PIGR: variants seen among roughly 807,000 people sequenced by gnomAD.
PIGR encodes the protein hepatocellular carcinoma associated protein TB6.
PIGR carries 22 observed loss-of-function variants against 69.5 expected under a neutral mutation model. That is an observed-to-expected ratio of 0.32 (90% confidence interval 0.23 to 0.45). The LOEUF is 0.45. Ranked by LOEUF, PIGR falls within the 20% of genes least tolerant of loss-of-function variation. The probability of loss-of-function intolerance (pLI) is 1.00; values close to 1 mark genes in which losing one functional copy is unlikely to be tolerated. For missense variants in PIGR, 885 were observed against 974.0 expected (o/e 0.91, Z 1.22); for synonymous variants, 413 against 407.6 (o/e 1.01, Z -0.16).
rs1432077535 is a variant in PIGR at position 206,940,558 on chromosome 1, A to T, written c.-27T>A. The T allele has an allele frequency of 2.6e-6, 4 of 1,546,812 alleles. No homozygotes were observed. The East Asian group carries it at 7.4e-5, about 28-fold the overall frequency. Reference sequence around the variant, plus strand: ...GCTGGTGGGTCCCGAGCGCCGCACCACTCAGGCCGACTTCTCCTGTGCAAT... The same window carrying T: ...GCTGGTGGGTCCCGAGCGCCGCACCTCTCAGGCCGACTTCTCCTGTGCAAT... On this transcript the variant is annotated 5_prime_UTR_variant, in exon 2 of 11. Transcript: ENST00000356495.
chr1:206,941,560 G>A (rs567981415), intron 1 of PIGR, among the ~76,000 whole-genome samples: 4 of 152,338 alleles, frequency 2.6e-5, no homozygotes, highest in Non-Finnish European at 4.4e-5. Flanking sequence ...ATAGGCTTAC[G>A]TTTTCCCAGC....
Position 206,934,484 on chromosome 1 carries a change from C to A in PIGR, c.1641G>T (p.Lys547Asn), listed in dbSNP as rs1451665510. The A allele has an allele frequency of 1.9e-6, 3 of 1,614,096 alleles. No individual in the cohort carries two copies. Among genetic ancestry groups the A allele is most frequent in the Non-Finnish European group, 2.5e-6 (3 of 1,180,046 alleles). The change falls in exon 6 of 11, where the codon AAG becomes AAT. Residue 547 changes from lysine to asparagine, a missense_variant. Transcript: ENST00000356495. ...ADEGWYWCGV[K>N]QGHFYGETAA... ...CAGTCTCTCCATAGAAGTGGCCCTG[C>A]TTCACTCCACACCAGTACCAGCCCT... is the stretch of plus-strand genomic sequence containing the variant.
chr1:206,932,499 G>A lies in PIGR; in HGVS notation c.1965C>T (p.Ala655=), dbSNP rs764338804. 8.1e-6 allele frequency: 13 copies of A among 1,613,128 alleles called. No homozygotes were observed. The highest frequency in any genetic ancestry group is 3.7e-4 in the Middle Eastern group (2 of 5,458). ...VPLGLVLAVG[A]VAVGVARARH... ...GGGCTCTGGCCACCCCCACAGCCAC[G>A]GCTCCCACTGCCAGCACCAGGCCCA... The change falls in exon 8 of 11, where the codon GCC becomes GCT. Residue 655 remains alanine (A), a synonymous_variant. Coordinates refer to ENST00000356495, the MANE Select transcript of PIGR (RefSeq NM_002644.4).
chr1:206,944,413 C>T (rs1436173609), intron 1 of PIGR, among the ~76,000 whole-genome samples: 2 of 152,110 alleles, frequency 1.3e-5, no homozygotes, highest in African/African-American at 4.8e-5. Flanking sequence ...GTGGAGGTTG[C>T]AGTAAGCCAA....
intron 1 of PIGR, among the ~76,000 whole-genome samples, 178 bp from the exon 2 acceptor site, chr1:206,940,762 A>G (rs1249350605): frequency 2.0e-5 from 3 of 152,202 alleles, no homozygotes; most frequent in African/African-American, 7.2e-5. Flanking sequence ...ATCCTTCAAC[A>G]CTTGTATATC....
Position 206,931,711 on chromosome 1 carries a change from G to A in PIGR, c.2100C>T (p.Ala700=). ...GGGATGTCTCCTGAGTGATCGAAGA[G>A]GCTCCCATGTTGTCATTGGCTCCAA... The part of the protein sequence containing the change: ...REFGANDNMG[A]SSITQETSLG... The change falls in exon 9 of 11, where the codon GCC becomes GCT. Residue 700 remains alanine (A), a synonymous_variant. Transcript: ENST00000356495. 1.2e-6 allele frequency: 2 copies of A among 1,614,174 alleles called. No individual in the cohort carries two copies. The highest frequency in any genetic ancestry group is 1.7e-6 in the Non-Finnish European group (2 of 1,180,030).
intron 10 of PIGR, chr1:206,931,224 C>A (rs1226012490): frequency 2.0e-6 from 2 of 985,320 alleles, no homozygotes; most frequent in East Asian, 2.3e-4. Flanking sequence ...TATGCACCTG[C>A]TTTCCTCATC....
rs764895900 is a variant in PIGR at position 206,933,075 on chromosome 1, A to C, written c.1797T>G (p.Ile599Met). 2.5e-6 allele frequency: 4 copies of C among 1,614,128 alleles called. No homozygotes were observed. In the Admixed American group the frequency reaches 6.7e-5, roughly 27 times the overall value. Residue 599 changes from isoleucine to methionine, a missense_variant, in exon 7 of 11, where the codon ATT becomes ATG. Transcript: ENST00000356495. The stretch of plus-strand genomic sequence containing the variant: ...CCTCTGCAAAAAGCCTGGGATCCTG[A>C]ATGGCTTTGTTCTCAATCTCCCGAA... Reference protein sequence around the residue: ...SGFREIENKAIQDPRLFAEEK... With the variant: ...SGFREIENKAMQDPRLFAEEK...
At chr1:206,945,508 T>A (rs1178954752) in intron 1 of PIGR, among the ~76,000 whole-genome samples, 1 of 152,226 alleles carries the variant, frequency 6.6e-6, no homozygotes, top group African/African-American at 2.4e-5. Context: ...TTGATCATGC[T>A]GCCTGTGGGG....
rs974049657 is a variant in PIGR, at chr1:206,937,067, T to A, written c.1045+28A>T. ...CTCTCACCTGCGAGACTGCCCCACC[T>A]ACTCCCCCTCCCTCTCTAGGGTCTT... On this transcript the variant is annotated intron_variant, in intron 4 of 10. Transcript: ENST00000356495. The A allele has an allele frequency of 1.8e-5, 28 of 1,523,970 alleles. No individual in the cohort carries two copies. The Admixed American group carries it at 4.3e-4, about 23-fold the overall frequency. 94.4% of individuals were successfully genotyped at this position (1,523,970 alleles called of 1,614,324 possible). A position where few individuals can be genotyped will look rare whatever the true frequency, so the allele number is the denominator to read the frequency against.
In PIGR at chr1:206,934,783, T is replaced by A. The variant is rs746455530; in HGVS notation, c.1379-37A>T. 7.3e-6 allele frequency: 11 copies of A among 1,504,318 alleles called. No homozygotes were observed. The East Asian group carries it at 2.0e-4, about 28-fold the overall frequency. The allele number at this position is 1,504,318 out of a possible 1,614,324, so 93.2% of individuals were successfully genotyped here. A position where few individuals can be genotyped will look rare whatever the true frequency, so the allele number is the denominator to read the frequency against. ...AGGGAGGTAGAAATAAACACAGAAGTTGGTACTTGGAGATGCTGCAGGGAA... is the reference window on the plus strand; with the variant it reads ...AGGGAGGTAGAAATAAACACAGAAGATGGTACTTGGAGATGCTGCAGGGAA... On this transcript the variant is annotated intron_variant, in intron 5 of 10. Transcript: ENST00000356495.
intron 4 of PIGR, 118 bp downstream of exon 4, chr1:206,936,977 T>G: frequency 9.8e-7 from 1 of 1,020,150 alleles, no homozygotes; most frequent in Non-Finnish European, 1.4e-6. Context: ...GGGCTGGTCA[T>G]TGAGTGGATG....
chr1:206,936,985 A>T, intron 4 of PIGR, 110 bp downstream of exon 4: 1 of 1,081,836 alleles, frequency 9.2e-7, no homozygotes, highest in Non-Finnish European at 1.3e-6. Flanking sequence ...CATTGAGTGG[A>T]TGCTGTTGGC....
chr1:206,946,153 G>A lies in PIGR; in HGVS notation c.-54+183C>T, dbSNP rs117555468. On this transcript the variant is annotated intron_variant, in intron 1 of 10. Transcript: ENST00000356495. ...CTTCCACACACGTGCATCCCTACTCGTCCCACTGCGATATGCACGCTTACT... is the reference window on the plus strand; with the variant it reads ...CTTCCACACACGTGCATCCCTACTCATCCCACTGCGATATGCACGCTTACT... Among the ~76,000 whole-genome samples the A allele has an allele frequency of 6.6e-5, 10 of 152,158 alleles. No individual in the cohort carries two copies. In the East Asian group the frequency reaches 1.5e-3, roughly 24 times the overall value.
chr1:206,931,644 G>T (rs911689258), intron 9 of PIGR, 27 bp downstream of exon 9: 1 of 1,613,982 alleles, frequency 6.2e-7, no homozygotes, highest in African/African-American at 1.3e-5. Context: ...CCCAGGGGCT[G>T]AGCATTCCCT....
At chr1:206,931,939 G>A (rs1679762556) in intron 8 of PIGR, 137 bp from the exon 9 acceptor site, 2 of 923,182 alleles carry the variant, frequency 2.2e-6, no homozygotes, top group African/African-American at 1.6e-5. Context: ...TATGACCCAG[G>A]GGGATGGAAA....
chr1:206,942,079 G>C (rs1405781793), intron 1 of PIGR, among the ~76,000 whole-genome samples: 1 of 152,162 alleles, frequency 6.6e-6, no homozygotes, highest in Non-Finnish European at 1.5e-5. Flanking sequence ...TTCCCAGCAA[G>C]GAACCTTTTA....
chr1:206,930,445 G>T lies in PIGR; in HGVS notation c.2200-32C>A. ...GGCAAGAGGAGAGGCATCAGTGTTG[G>T]GGGCACTGGCTCAGTGGGTGGAGTC... On this transcript the variant is annotated intron_variant, in intron 10 of 10. Coordinates refer to ENST00000356495, the MANE Select transcript of PIGR (RefSeq NM_002644.4). This position sits in a 1 kb window ranked among gnomAD's most constrained non-coding sequence, Gnocchi z 4.3. 2 of 1,603,720 alleles carry T rather than the reference G, an allele frequency of 1.2e-6. No individual in the cohort carries two copies. Among genetic ancestry groups the T allele is most frequent in the Admixed American group, 1.7e-5 (1 of 58,788 alleles).
Position 206,932,446 on chromosome 1 carries a change from A to C in PIGR, c.2008+10T>G, listed in dbSNP as rs1679773102. The stretch of plus-strand genomic sequence containing the variant: ...GGAGGTGGGAGGCAGGGAGTATCCC[A>C]GGGACTCACCGACGTTCTTCCTGTG... On this transcript the variant is annotated intron_variant, in intron 8 of 10. Coordinates refer to ENST00000356495, the MANE Select transcript of PIGR (RefSeq NM_002644.4). 7 of 1,607,914 alleles carry C rather than the reference A, an allele frequency of 4.4e-6. No individual in the cohort carries two copies. The South Asian group carries it at 7.8e-5, about 18-fold the overall frequency.
Sources: gnomAD v4.1 joint callset for allele counts (sites outside exome capture counted in the v4.1 genomes callset) on GRCh38, gnomAD v4.1.1 for gene constraint, Gnocchi (gnomAD v3.1) non-coding constraint, MANE v1.5 for transcripts, NCBI Gene and HGNC (gene_info 2026-07-23, HGNC 2026-07-21) for gene names.